The following RASSF3 variants were observed in gnomAD, a reference collection of about 807,000 sequenced individuals.
RASSF3 encodes ras association domain-containing protein 3.
In RASSF3, 19 loss-of-function variants were observed where a neutral mutation model predicts 19.9. The ratio of observed to expected loss-of-function variants is 0.96; its 90% CI spans 0.67 to 1.40. RASSF3 has a LOEUF of 1.40. Among genes scored for constraint, RASSF3 ranks in the 40% most tolerant of loss-of-function variants. RASSF3 has a pLI of 0.00. For missense variants in RASSF3, 306 were observed against 289.8 expected, an observed-to-expected ratio of 1.06 and a Z score of -0.41; for synonymous variants, 110 against 104.2, an observed-to-expected ratio of 1.06 and a Z score of -0.34.
chr12:64,663,060 C>T (rs768802358), intron 1 of RASSF3, among the ~76,000 whole-genome samples: 8 of 152,122 alleles, frequency 5.3e-5, no homozygotes, highest in Middle Eastern at 3.4e-3. Context: ...AGAAGGGCCA[C>T]GTTCTTGGAA....
chr12:64,611,991 A>G (rs1467016739), intron 1 of RASSF3, among the ~76,000 whole-genome samples: 2 of 152,166 alleles, frequency 1.3e-5, no homozygotes, highest in African/African-American at 2.4e-5. Flanking sequence ...TCCCGGTGCC[A>G]TAGTTGTCCG....
intron 2 of RASSF3, among the ~76,000 whole-genome samples, chr12:64,568,911 C>T (rs1869475213): frequency 6.6e-6 from 1 of 152,130 alleles, no homozygotes. Context: ...AGGGTTTCAC[C>T]ATGTTAGCCA....
At chr12:64,675,045 GCCCCCCCC>G (rs1226885486) in intron 1 of RASSF3, among the ~76,000 whole-genome samples, 1 of 57,490 alleles carries the variant, frequency 1.7e-5, no homozygotes, top group Non-Finnish European at 3.4e-5. Context: ...TACCCACCTA[GCCCCCCCC>G]CCCCCCGCCA....
intron 3 of RASSF3, among the ~76,000 whole-genome samples, chr12:64,691,224 T>G (rs1395608932): frequency 6.6e-6 from 1 of 152,240 alleles, no homozygotes; most frequent in Non-Finnish European, 1.5e-5. Flanking sequence ...GACTAATATC[T>G]ATTAAAATTT....
chr12:64,597,920 T>C (rs1387499512), intron 2 of RASSF3, among the ~76,000 whole-genome samples: 1 of 151,862 alleles, frequency 6.6e-6, no homozygotes, highest in Admixed American at 6.6e-5. Flanking sequence ...ACCAAATCTT[T>C]TATTTATTTT....
upstream of RASSF3, among the ~76,000 whole-genome samples, chr12:64,610,311 C>G (rs1448528472): frequency 6.6e-6 from 1 of 151,074 alleles, no homozygotes; most frequent in Non-Finnish European, 1.5e-5. Context: ...ACCCGCGCGC[C>G]TGGAAGGGGC....
chr12:64,512,385 A>G (rs1272160256), intron 1 of RASSF3, among the ~76,000 whole-genome samples: 1 of 152,154 alleles, frequency 6.6e-6, no homozygotes, highest in Non-Finnish European at 1.5e-5. Flanking sequence ...CAGGAGGCAG[A>G]AGGGTCACTT....
intron 2 of RASSF3, among the ~76,000 whole-genome samples, chr12:64,602,659 T>C (rs1870113076): frequency 6.6e-6 from 1 of 151,566 alleles, no homozygotes; most frequent in African/African-American, 2.4e-5. Context: ...GTCCCAGCTA[T>C]ACACCACGCT....
At chr12:64,522,045 A>G (rs1868489035) in intron 1 of RASSF3, among the ~76,000 whole-genome samples, 1 of 152,224 alleles carries the variant, frequency 6.6e-6, no homozygotes, top group African/African-American at 2.4e-5. Flanking sequence ...TGAGTTTCAC[A>G]CTTGAAGTTC....
At chr12:64,554,233 C>A (rs1869216193) in intron 2 of RASSF3, among the ~76,000 whole-genome samples, 1 of 152,142 alleles carries the variant, frequency 6.6e-6, no homozygotes, top group South Asian at 2.1e-4. Context: ...CAGATGAGCA[C>A]TGGGCTTAGC....
At chr12:64,675,619 G>C (rs1358389725) in intron 1 of RASSF3, among the ~76,000 whole-genome samples, 1 of 152,170 alleles carries the variant, frequency 6.6e-6, no homozygotes, top group Non-Finnish European at 1.5e-5. Flanking sequence ...GCCCCCCGCT[G>C]TTCTGCAAAG....
chr12:64,607,317 T>C (rs1307187193), upstream of RASSF3, among the ~76,000 whole-genome samples: 3 of 151,772 alleles, frequency 2.0e-5, no homozygotes, highest in East Asian at 1.9e-4. Flanking sequence ...GCAAATATCA[T>C]TATGCTGCTT....
At chr12:64,594,788 C>T (rs1033305283) in intron 2 of RASSF3, among the ~76,000 whole-genome samples, 4 of 152,074 alleles carry the variant, frequency 2.6e-5, no homozygotes, top group South Asian at 4.1e-4. Flanking sequence ...GGGGGTGGTA[C>T]GGTGGTGGGT....
intron 1 of RASSF3, among the ~76,000 whole-genome samples, chr12:64,655,249 CTG>C (rs1409665933): frequency 2.0e-5 from 3 of 152,192 alleles, no homozygotes; most frequent in Admixed American, 6.5e-5. Context: ...CTGTGATATA[CTG>C]TGTCTTCATT....
chr12:64,604,408 G>A (rs910422039), intron 2 of RASSF3, among the ~76,000 whole-genome samples: 5 of 152,138 alleles, frequency 3.3e-5, no homozygotes, highest in African/African-American at 1.2e-4. Flanking sequence ...TTACAGGTGT[G>A]AGCCACTGTG....
At chr12:64,545,967 G>A (rs1001754074), downstream of RASSF3, among the ~76,000 whole-genome samples, 29 of 151,840 alleles carry the variant, frequency 1.9e-4, no homozygotes, top group African/African-American at 7.0e-4. Context: ...GTGGCAGCAG[G>A]CGCTTGTAGT....
intron 2 of RASSF3, among the ~76,000 whole-genome samples, chr12:64,574,219 G>A (rs970757706): frequency 2.6e-5 from 4 of 151,598 alleles, no homozygotes; most frequent in Non-Finnish European, 5.9e-5. Context: ...CCTGAGGCAG[G>A]AGAATGGCTT....
At chr12:64,580,529 A>G (rs1869675248) in intron 2 of RASSF3, among the ~76,000 whole-genome samples, 1 of 149,822 alleles carries the variant, frequency 6.7e-6, no homozygotes, top group African/African-American at 2.5e-5. Context: ...ATGACACTGC[A>G]CTCCATCCTG....
At chr12:64,638,574 C>T (rs1406579296) in intron 1 of RASSF3, among the ~76,000 whole-genome samples, 6 of 126,524 alleles carry the variant, frequency 4.7e-5, no homozygotes, top group East Asian at 2.1e-4. Context: ...AGTGAGACTC[C>T]GTCTCAAAAA....
Sources: gnomAD v4.1 joint callset for allele counts (sites outside exome capture counted in the v4.1 genomes callset) on GRCh38, gnomAD v4.1.1 for gene constraint, MANE v1.5 for transcripts, NCBI Gene and HGNC (gene_info 2026-07-23, HGNC 2026-07-21) for gene names.